The following C1QTNF3 variants were observed in gnomAD, a reference collection of about 807,000 sequenced individuals.
C1QTNF3 encodes the protein C1q and TNF related 3.
A neutral mutation model predicts 32.6 loss-of-function variants in C1QTNF3; 26 were observed. That is an observed-to-expected ratio of 0.80 (90% CI 0.58 to 1.11). The LOEUF is 1.11. C1QTNF3 is among the 50% of genes least tolerant of loss of function. The pLI, the probability that C1QTNF3 is intolerant of heterozygous loss-of-function variation, is 0.00. For missense variants in C1QTNF3, 362 were observed against 398.2 expected, an observed-to-expected ratio of 0.91 and a Z score of 0.77; for synonymous variants, 155 against 146.0, an observed-to-expected ratio of 1.06 and a Z score of -0.44.
At chr5:34,053,885 G>A in the C1QTNF3 span, among the ~76,000 whole-genome samples, 1 of 152,164 alleles carries the variant, frequency 6.6e-6, no homozygotes, top group Non-Finnish European at 1.5e-5. Flanking sequence ...TTGCTCTTCA[G>A]TAATTATGTA....
At chr5:34,109,762 C>T in the C1QTNF3 span, among the ~76,000 whole-genome samples, 7 of 152,292 alleles carry the variant, frequency 4.6e-5, no homozygotes, top group Non-Finnish European at 1.5e-5. Flanking sequence ...TCCAGCGTTG[C>T]CTTGTGAAAC....
the C1QTNF3 span, chr5:34,166,440 T>G: frequency 6.6e-6 from 1 of 152,036 alleles, no homozygotes; most frequent in Admixed American, 6.6e-5. Flanking sequence ...AACAAAAAAC[T>G]TAATCTTGAG....
the C1QTNF3 span, among the ~76,000 whole-genome samples, chr5:34,077,914 A>G: frequency 5.0e-4 from 76 of 151,854 alleles, no homozygotes; most frequent in South Asian, 1.2e-3. Context: ...TGTTACTCAG[A>G]AGGGGGATTA....
At chr5:34,166,665 C>A in the C1QTNF3 span, 2 of 152,050 alleles carry the variant, frequency 1.3e-5, no homozygotes, top group African/African-American at 4.8e-5. Flanking sequence ...AAAGTTTATT[C>A]ATCCAAAATA....
chr5:34,116,044 T>G, the C1QTNF3 span, among the ~76,000 whole-genome samples: 1 of 152,158 alleles, frequency 6.6e-6, no homozygotes, highest in Non-Finnish European at 1.5e-5. Context: ...GCTTTAGTTT[T>G]TTGTATACTT....
chr5:34,035,520 G>T, intron 2 of C1QTNF3, 127 bp downstream of exon 2: 1 of 722,016 alleles, frequency 1.4e-6, no homozygotes, highest in Non-Finnish European at 2.4e-6. Context: ...TGGTATTCCA[G>T]GGTGCCAAGA....
At position 34,032,524 on chromosome 5, in the gene C1QTNF3, T is replaced by C. The variant is rs144373603; in HGVS notation, c.570+780A>G. ...AATTATACCACAAGGTCAAGTGTGG[T>C]GGCTCAAGCCTGTAATCCCAGCACT... is the stretch of plus-strand genomic sequence containing the variant. On this transcript the variant is annotated intron_variant, in intron 3 of 5. Coordinates refer to ENST00000382065, the MANE Select transcript of C1QTNF3 (RefSeq NM_181435.6). Among the ~76,000 whole-genome samples the C allele has an allele frequency of 1.5e-3, 236 of 152,324 alleles. 4 individuals are homozygous for C. The South Asian group carries it at 0.025, about 16-fold the overall frequency.
chr5:34,207,275 G>GATAGAT, the C1QTNF3 span, among the ~76,000 whole-genome samples: 1 of 143,112 alleles, frequency 7.0e-6, no homozygotes, highest in African/African-American at 2.6e-5. Context: ...TCAAATTTGA[G>GATAGAT]ATATATATAT....
the C1QTNF3 span, among the ~76,000 whole-genome samples, chr5:34,195,680 A>G: frequency 6.6e-6 from 1 of 152,272 alleles, no homozygotes; most frequent in Non-Finnish European, 1.5e-5. Flanking sequence ...TCTCTACTAA[A>G]AATACAAAAA....
the C1QTNF3 span, among the ~76,000 whole-genome samples, chr5:34,108,079 C>G: frequency 7.1e-4 from 108 of 152,274 alleles, no homozygotes; most frequent in Admixed American, 1.4e-3. Context: ...TGAGCCCCCC[C>G]TCTCCTGCCC....
At chr5:34,127,291 T>C in the C1QTNF3 span, among the ~76,000 whole-genome samples, 10 of 152,080 alleles carry the variant, frequency 6.6e-5, no homozygotes, top group Non-Finnish European at 1.5e-5. Flanking sequence ...CGGGAAGATA[T>C]GGGAAAGTTT....
At chr5:34,062,633 T>C in the C1QTNF3 span, among the ~76,000 whole-genome samples, 3 of 152,326 alleles carry the variant, frequency 2.0e-5, no homozygotes, top group Middle Eastern at 6.8e-3. Flanking sequence ...CATTACTGAA[T>C]ACCCATTGTG....
the C1QTNF3 span, among the ~76,000 whole-genome samples, chr5:34,056,714 T>C: frequency 6.6e-6 from 1 of 151,892 alleles, no homozygotes; most frequent in African/African-American, 2.4e-5. Context: ...TCTCACTATG[T>C]TGCCCAGGCT....
At chr5:34,240,269 A>G in the C1QTNF3 span, among the ~76,000 whole-genome samples, 1 of 151,996 alleles carries the variant, frequency 6.6e-6, no homozygotes, top group African/African-American at 2.4e-5. Flanking sequence ...GAATGAAAAG[A>G]AACAACTAAA....
At chr5:34,058,600 C>T in the C1QTNF3 span, among the ~76,000 whole-genome samples, 1 of 152,084 alleles carries the variant, frequency 6.6e-6, no homozygotes, top group South Asian at 2.1e-4. Context: ...AGAGAGACTT[C>T]GCTGGCTCTC....
chr5:34,038,851 C>A (rs894433823), intron 1 of C1QTNF3, among the ~76,000 whole-genome samples: 1 of 152,028 alleles, frequency 6.6e-6, no homozygotes, highest in African/African-American at 2.4e-5. Flanking sequence ...TAGGGGAGGG[C>A]TCCACCTGAC....
the C1QTNF3 span, among the ~76,000 whole-genome samples, chr5:34,147,767 C>T: frequency 6.6e-6 from 1 of 152,266 alleles, no homozygotes; most frequent in South Asian, 2.1e-4. Flanking sequence ...CAGCATCACA[C>T]AACAGATTCG....
intron 3 of C1QTNF3, among the ~76,000 whole-genome samples, chr5:34,030,908 A>G (rs1754596468): frequency 6.6e-6 from 1 of 152,148 alleles, no homozygotes; most frequent in Admixed American, 6.6e-5. Flanking sequence ...TATAGAGGGG[A>G]ACAACACACA....
chr5:34,077,394 C>G, the C1QTNF3 span, among the ~76,000 whole-genome samples: 1 of 151,480 alleles, frequency 6.6e-6, no homozygotes, highest in Non-Finnish European at 1.5e-5. Flanking sequence ...ACACATTAAA[C>G]AACAACAACA....
Sources: allele counts gnomAD v4.1 joint callset (sites outside exome capture counted in the v4.1 genomes callset), GRCh38; gene constraint gnomAD v4.1.1; transcripts MANE v1.5; gene names NCBI Gene and HGNC (gene_info 2026-07-23, HGNC 2026-07-21).